The following TXNL4A variants were observed in gnomAD, a reference collection of about 807,000 sequenced individuals.
TXNL4A encodes the protein thioredoxin-like protein 4A.
TXNL4A carries 17 observed loss-of-function variants against 14.6 expected under a neutral mutation model. The observed-to-expected ratio is 1.16, with a 90% CI of 0.80 to 1.74. TXNL4A has a LOEUF of 1.74. TXNL4A is among the 40% of genes most tolerant of loss of function. The pLI is 0.00. For missense variants in TXNL4A, 74 were observed against 195.2 expected (o/e 0.38, Z 3.70); for synonymous variants, 83 against 70.6 (o/e 1.18, Z -0.88).
At chr18:80,001,711 T>G (rs1179333851) in intron 1 of TXNL4A, among the ~76,000 whole-genome samples, 3 of 152,202 alleles carry the variant, frequency 2.0e-5, no homozygotes, top group Non-Finnish European at 4.4e-5. Flanking sequence ...GGGCCTTTAG[T>G]CCCTTCGTTT....
At chr18:80,030,750 G>C (rs1222956928) in intron 1 of TXNL4A, among the ~76,000 whole-genome samples, 3 of 152,154 alleles carry the variant, frequency 2.0e-5, no homozygotes, top group African/African-American at 7.2e-5. Flanking sequence ...TGGATCATTT[G>C]AGATCAGGAG....
chr18:79,998,386 C>A (rs2051676989), intron 1 of TXNL4A, among the ~76,000 whole-genome samples: 1 of 152,194 alleles, frequency 6.6e-6, no homozygotes, highest in African/African-American at 2.4e-5. Flanking sequence ...CCTGATCCTG[C>A]CTTGTGGAGT....
Position 79,982,672 on chromosome 18 carries a change from G to A in TXNL4A, c.154-4971C>T, listed in dbSNP as rs533318387. ...GACACTGCAGGGGCTGAAGGACTGA[G>A]GAACAGAGGACTTCAGTGTGGACAA... is the stretch of plus-strand genomic sequence containing the variant. On this transcript the variant is annotated intron_variant, in intron 1 of 2. Coordinates refer to ENST00000269601, the MANE Select transcript of TXNL4A (RefSeq NM_006701.5). This position sits in a 1 kb window ranked among gnomAD's most constrained non-coding sequence, Gnocchi z 4.0. Among the ~76,000 whole-genome samples the A allele has an allele frequency of 6.6e-6, 1 of 152,340 alleles. No individual in the cohort carries two copies. Among genetic ancestry groups the A allele is most frequent in the African/African-American group, 2.4e-5 (1 of 41,580 alleles).
intron 1 of TXNL4A, among the ~76,000 whole-genome samples, chr18:80,003,718 G>C (rs1016705770): frequency 1.3e-5 from 2 of 152,154 alleles, no homozygotes; most frequent in African/African-American, 4.8e-5. Flanking sequence ...AAACACCTGA[G>C]AATAGGTAAT....
At chr18:79,980,713 C>T (rs898784045) in intron 1 of TXNL4A, among the ~76,000 whole-genome samples, 23 of 152,178 alleles carry the variant, frequency 1.5e-4, no homozygotes, top group Admixed American at 3.9e-4. Context: ...ACTGCAGGAG[C>T]GTGCGCCTCG....
chr18:80,020,683 C>T (rs11664762), intron 1 of TXNL4A, among the ~76,000 whole-genome samples: 70,017 of 151,644 alleles, frequency 0.46, 16,951 homozygotes, highest in East Asian at 0.75. Flanking sequence ...TTCTGAGCCT[C>T]AGGTTTTTAA....
chr18:79,989,406 G>A (rs1002365845), upstream of TXNL4A, among the ~76,000 whole-genome samples: 5 of 152,170 alleles, frequency 3.3e-5, 1 homozygote, highest in South Asian at 1.0e-3. Context: ...CACCGCGCCC[G>A]ACCTAAAGCC....
chr18:79,998,225 A>G (rs984621113), intron 1 of TXNL4A, among the ~76,000 whole-genome samples: 48 of 152,172 alleles, frequency 3.2e-4, no homozygotes, highest in Non-Finnish European at 4.1e-4. Context: ...CCTGGGAGGC[A>G]GAGCTTGCAG....
chr18:79,981,345 C>T (rs1192380387), intron 1 of TXNL4A, among the ~76,000 whole-genome samples: 6 of 152,216 alleles, frequency 3.9e-5, no homozygotes, highest in African/African-American at 1.4e-4. Context: ...TTATAAGCAT[C>T]TGTGGTTTTT....
rs28843154 is a variant in TXNL4A, at chr18:80,011,050, C to T, written c.-61+22801G>A. On this transcript the variant is annotated intron_variant, in intron 1 of 2. Transcript: ENST00000585474. This position sits in a 1 kb window ranked among gnomAD's most constrained non-coding sequence, Gnocchi z 4.1. ...TCCTCCTGGGGTTGGTTTAAGGGTCCGCGGAAGAAAGGCACATCCATGTGT... is the reference window on the plus strand; with the variant it reads ...TCCTCCTGGGGTTGGTTTAAGGGTCTGCGGAAGAAAGGCACATCCATGTGT... Among the ~76,000 whole-genome samples the T allele has an allele frequency of 0.29, 43,227 of 151,644 alleles. 6,622 individuals carry two copies. The highest frequency in any genetic ancestry group is 0.35 in the Non-Finnish European group (23,909 of 67,864).
chr18:80,017,411 T>C (rs1011841355), intron 1 of TXNL4A, among the ~76,000 whole-genome samples: 1 of 151,128 alleles, frequency 6.6e-6, no homozygotes, highest in Non-Finnish European at 1.5e-5. Context: ...TGAATAGGAG[T>C]GGTGAGAGAG....
At chr18:79,981,110 T>C (rs1367406958) in intron 1 of TXNL4A, among the ~76,000 whole-genome samples, 5 of 152,186 alleles carry the variant, frequency 3.3e-5, no homozygotes, top group Admixed American at 3.3e-4. Flanking sequence ...GTCACAGGCA[T>C]TAGGAAAGTC....
intron 1 of TXNL4A, among the ~76,000 whole-genome samples, chr18:80,019,070 T>C (rs2051831562): frequency 6.6e-6 from 1 of 152,240 alleles, no homozygotes; most frequent in African/African-American, 2.4e-5. Flanking sequence ...CTGTCTTCTC[T>C]TGAGCCCTTC....
At chr18:79,985,165 T>C (rs981873966) in intron 1 of TXNL4A, among the ~76,000 whole-genome samples, 1 of 152,204 alleles carries the variant, frequency 6.6e-6, no homozygotes, top group Admixed American at 6.5e-5. Flanking sequence ...TCCATGAAAT[T>C]GTCTCCTGTG....
At chr18:80,001,631 A>G (rs906970344) in intron 1 of TXNL4A, among the ~76,000 whole-genome samples, 3 of 152,224 alleles carry the variant, frequency 2.0e-5, no homozygotes, top group Admixed American at 2.0e-4. Flanking sequence ...GATGTGAGAC[A>G]TGGTGTCAAA....
Position 80,030,031 on chromosome 18 carries a change from T to C in TXNL4A, c.-61+3820A>G, listed in dbSNP as rs191318026. On this transcript the variant is annotated intron_variant, in intron 1 of 2. Coordinates refer to the TXNL4A transcript ENST00000585474. Reference sequence around the variant, plus strand: ...ATGGAAGGGCCCACACCAGGTACTATTGACTAATCTATGTCCCATAAAATT... The same window carrying C: ...ATGGAAGGGCCCACACCAGGTACTACTGACTAATCTATGTCCCATAAAATT... Among the ~76,000 whole-genome samples the C allele has an allele frequency of 7.2e-5, 11 of 152,328 alleles. No homozygotes were observed. The East Asian group carries it at 1.7e-3, about 24-fold the overall frequency.
rs2145115693 is a variant in TXNL4A, at chr18:80,011,745, C to T, written c.-61+22106G>A. 6.6e-6 allele frequency among the ~76,000 whole-genome samples: 1 copy of T among 152,238 alleles called. No individual in the cohort carries two copies. Among genetic ancestry groups the T allele is most frequent in the South Asian group, 2.1e-4 (1 of 4,818 alleles). On this transcript the variant is annotated intron_variant, in intron 1 of 2. Coordinates refer to the TXNL4A transcript ENST00000585474. The surrounding 1 kb of genome is among the most constrained non-coding windows in gnomAD (Gnocchi z 4.1). ...CTTGGCTCCTCCTGAAACCCACTCC[C>T]ACCTTTTCCGTCCCTATAAGTTAAA...
At chr18:79,992,979 A>G (rs1227847216), upstream of TXNL4A, among the ~76,000 whole-genome samples, 1 of 151,574 alleles carries the variant, frequency 6.6e-6, no homozygotes, top group African/African-American at 2.4e-5. Context: ...GTACTTCTCA[A>G]TATCCCACCC....
At chr18:80,021,412 C>T (rs564265488) in intron 1 of TXNL4A, among the ~76,000 whole-genome samples, 43 of 152,210 alleles carry the variant, frequency 2.8e-4, no homozygotes, top group Non-Finnish European at 5.0e-4. Flanking sequence ...CTCCTGACCT[C>T]GTGATCTGCC....
Sources: allele counts gnomAD v4.1 joint callset (sites outside exome capture counted in the v4.1 genomes callset), GRCh38; gene constraint gnomAD v4.1.1; non-coding constraint Gnocchi (gnomAD v3.1); transcripts MANE v1.5; gene names NCBI Gene and HGNC (gene_info 2026-07-23, HGNC 2026-07-21).